MAN2A1: variants seen among roughly 807,000 people sequenced by gnomAD.
The protein encoded by MAN2A1 is alpha-mannosidase 2.
In MAN2A1, 76 loss-of-function variants were observed where a neutral mutation model predicts 142.6. The ratio of observed to expected loss-of-function variants is 0.53; its 90% CI spans 0.44 to 0.65. The LOEUF (loss-of-function observed/expected upper bound fraction) is 0.65, where lower values mean the gene tolerates loss of function less well. MAN2A1 is among the 30% of genes least tolerant of loss of function. MAN2A1 has a pLI of 0.00. For missense variants in MAN2A1, 1,311 were observed against 1,365.1 expected (o/e 0.96, Z 0.62); for synonymous variants, 559 against 473.2 (o/e 1.18, Z -2.35).
At chr5:109,754,060 C>G (rs1752617288) in intron 4 of MAN2A1, among the ~76,000 whole-genome samples, 1 of 151,882 alleles carries the variant, frequency 6.6e-6, no homozygotes, top group South Asian at 2.1e-4. Flanking sequence ...AGGCATGCAC[C>G]ACCACACCTG....
At chr5:109,817,888 A>G (rs1754512007) in intron 13 of MAN2A1, among the ~76,000 whole-genome samples, 1 of 152,174 alleles carries the variant, frequency 6.6e-6, no homozygotes, top group East Asian at 1.9e-4. Flanking sequence ...TGGAAGAGAA[A>G]TGCCCTAAAA....
chr5:109,838,207 G>A (rs927282409), intron 16 of MAN2A1, among the ~76,000 whole-genome samples: 8 of 152,096 alleles, frequency 5.3e-5, no homozygotes, highest in Non-Finnish European at 8.8e-5. Flanking sequence ...TCTACCTTGC[G>A]TTGCCTATGC....
At chr5:109,697,399 T>A (rs1750845268) in intron 1 of MAN2A1, among the ~76,000 whole-genome samples, 2 of 152,102 alleles carry the variant, frequency 1.3e-5, no homozygotes, top group Non-Finnish European at 2.9e-5. Flanking sequence ...TTTACGAAAG[T>A]GGGGTGGAGG....
At chr5:109,731,257 A>G (rs959721968) in intron 4 of MAN2A1, among the ~76,000 whole-genome samples, 1 of 151,470 alleles carries the variant, frequency 6.6e-6, no homozygotes, top group African/African-American at 2.4e-5. Flanking sequence ...GAAATATATG[A>G]TACATTATTC....
intron 10 of MAN2A1, among the ~76,000 whole-genome samples, chr5:109,788,574 C>G (rs910939561): frequency 6.6e-6 from 1 of 151,786 alleles, no homozygotes; most frequent in Admixed American, 6.6e-5. Flanking sequence ...CTTGTTAGAG[C>G]TTTTTCTAAA....
At position 109,690,568 on chromosome 5, in the gene MAN2A1, G is replaced by T. The variant is rs200261447; in HGVS notation, c.135+16G>T. 1 of 1,578,934 alleles carries T rather than the reference G, an allele frequency of 6.3e-7. No homozygotes were observed. The highest frequency in any genetic ancestry group is 2.3e-5 in the East Asian group (1 of 42,734). ...CTTCCCTCAGGTAAGCACCTGGGAA[G>T]GGGGCGCGGGGCTCCGAGGGGCCAG... On this transcript the variant is annotated intron_variant, in intron 1 of 21. Coordinates refer to ENST00000261483, the MANE Select transcript of MAN2A1 (RefSeq NM_002372.4).
chr5:109,834,467 T>G (rs541068426), intron 16 of MAN2A1, among the ~76,000 whole-genome samples: 1 of 152,358 alleles, frequency 6.6e-6, no homozygotes, highest in South Asian at 2.1e-4. Flanking sequence ...CAGTTTTGTT[T>G]TATGTTTTTC....
Position 109,781,520 on chromosome 5 carries a change from A to T in MAN2A1, c.1499A>T (p.Asp500Val). 6.2e-7 allele frequency: 1 copy of T among 1,613,372 alleles called. No individual in the cohort carries two copies. Among genetic ancestry groups the T allele is most frequent in the Non-Finnish European group, 8.5e-7 (1 of 1,179,698 alleles). ...GATTTTTTCACTTATGCCGATCGAG[A>T]TGATCATTACTGGAGTGGCTATTTT... is the stretch of plus-strand genomic sequence containing the variant. ...SGDFFTYADR[D>V]DHYWSGYFTS... Residue 500 changes from aspartate (D) to valine (V), a missense_variant, in exon 9 of 22, where the codon GAT (aspartate) becomes GTT (valine). Asp to Val is a radical substitution (Grantham distance 152). Coordinates refer to ENST00000261483, the MANE Select transcript of MAN2A1 (RefSeq NM_002372.4).
At chr5:109,733,275 G>T (rs949206635) in intron 4 of MAN2A1, among the ~76,000 whole-genome samples, 8 of 152,230 alleles carry the variant, frequency 5.3e-5, no homozygotes, top group African/African-American at 1.4e-4. Flanking sequence ...GAGACGATGG[G>T]GTTTTCTAGA....
chr5:109,857,848 C>A (rs1282498884), intron 20 of MAN2A1, among the ~76,000 whole-genome samples: 1 of 152,172 alleles, frequency 6.6e-6, no homozygotes, highest in African/African-American at 2.4e-5. Flanking sequence ...CTCTTCGTGC[C>A]TTTGGACAGG....
intron 12 of MAN2A1, among the ~76,000 whole-genome samples, chr5:109,814,528 TAATC>T (rs924632138): frequency 3.9e-5 from 6 of 152,212 alleles, no homozygotes; most frequent in African/African-American, 9.6e-5. Context: ...TGTGAATCTC[TAATC>T]ATGTTAAAAA....
chr5:109,801,683 C>T (rs1478641005), intron 12 of MAN2A1, among the ~76,000 whole-genome samples: 1 of 152,088 alleles, frequency 6.6e-6, no homozygotes, highest in African/African-American at 2.4e-5. Flanking sequence ...GTTCTGAATA[C>T]TCTAGGAGCA....
At chr5:109,724,810 T>C (rs1751698913) in intron 3 of MAN2A1, among the ~76,000 whole-genome samples, 2 of 152,204 alleles carry the variant, frequency 1.3e-5, no homozygotes, top group Non-Finnish European at 2.9e-5. Flanking sequence ...ACAGATCCTC[T>C]TAAAATATAA....
intron 9 of MAN2A1, among the ~76,000 whole-genome samples, chr5:109,782,120 C>T (rs927794807): frequency 2.6e-5 from 4 of 152,052 alleles, no homozygotes; most frequent in Admixed American, 1.3e-4. Flanking sequence ...AAGCACATTT[C>T]TATAGGCACA....
intron 5 of MAN2A1, among the ~76,000 whole-genome samples, 171 bp from the exon 6 acceptor site, chr5:109,767,364 C>T (rs1285924749): frequency 1.3e-5 from 2 of 152,142 alleles, no homozygotes; most frequent in Non-Finnish European, 1.5e-5. Flanking sequence ...TGGCACAATC[C>T]TCCCTTCATG....
intron 17 of MAN2A1, among the ~76,000 whole-genome samples, chr5:109,845,275 C>T (rs559582472): frequency 6.6e-6 from 1 of 152,244 alleles, no homozygotes; most frequent in South Asian, 2.1e-4. Context: ...ATATTTCAAA[C>T]ATTCAGGTAC....
intron 7 of MAN2A1, among the ~76,000 whole-genome samples, 167 bp downstream of exon 7, chr5:109,770,708 A>T (rs1482213181): frequency 6.6e-6 from 1 of 152,166 alleles, no homozygotes; most frequent in African/African-American, 2.4e-5. Context: ...AGCCTTGACT[A>T]TGCCGGTTAT....
At chr5:109,806,096 G>A (rs1754156742) in intron 12 of MAN2A1, among the ~76,000 whole-genome samples, 1 of 152,128 alleles carries the variant, frequency 6.6e-6, no homozygotes, top group African/African-American at 2.4e-5. Flanking sequence ...GTTCTCTGCT[G>A]GGGTGAATAT....
At chr5:109,750,296 C>T (rs1043765920) in intron 4 of MAN2A1, among the ~76,000 whole-genome samples, 10 of 152,008 alleles carry the variant, frequency 6.6e-5, no homozygotes, top group East Asian at 1.9e-4. Flanking sequence ...TTGTTAATGG[C>T]AAGTGTTTTT....
Sources: allele counts gnomAD v4.1 joint callset (sites outside exome capture counted in the v4.1 genomes callset), GRCh38; gene constraint gnomAD v4.1.1; transcripts MANE v1.5; gene names NCBI Gene and HGNC (gene_info 2026-07-23, HGNC 2026-07-21).